Variants in CLEC16A observed in about 807,000 individuals in gnomAD.
CLEC16A encodes C-type lectin domain containing 16A.
A neutral mutation model predicts 109.5 loss-of-function variants in CLEC16A; 51 were observed. The observed-to-expected ratio is 0.47, with a 90% CI of 0.37 to 0.59. The LOEUF (loss-of-function observed/expected upper bound fraction) is 0.59. Ranked by LOEUF, CLEC16A falls within the 20% of genes least tolerant of loss-of-function variation. CLEC16A has a pLI of 0.00. For synonymous variants in CLEC16A, 673 were observed against 564.2 expected, an observed-to-expected ratio of 1.19 and a Z score of -2.73; for missense variants, 1,339 against 1,394.0, an observed-to-expected ratio of 0.96 and a Z score of 0.63.
chr16:11,054,478 C>T (rs1241966375), intron 18 of CLEC16A, among the ~76,000 whole-genome samples: 1 of 152,218 alleles, frequency 6.6e-6, no homozygotes, highest in Non-Finnish European at 1.5e-5. Flanking sequence ...GGATAGGATG[C>T]ACAACCCGAG....
chr16:11,082,163 C>G (rs1477711972), intron 19 of CLEC16A, among the ~76,000 whole-genome samples: 3 of 152,158 alleles, frequency 2.0e-5, no homozygotes, highest in Admixed American at 6.6e-5. Flanking sequence ...TGTTAAAAAA[C>G]AAACCCAAAA....
At chr16:11,094,558 C>T (rs2050496649) in intron 19 of CLEC16A, among the ~76,000 whole-genome samples, 1 of 152,208 alleles carries the variant, frequency 6.6e-6, no homozygotes, top group Non-Finnish European at 1.5e-5. Flanking sequence ...CCCCCTACAA[C>T]TTTTTCCAGG....
rs34576806 is a variant in CLEC16A at position 11,077,964 on chromosome 16, C to CGTGTGTGTGTGT, written c.2116+16977_2116+16988dup. The stretch of plus-strand genomic sequence containing the variant: ...GAAACTCCATCTCTACAAAAAAAAA[C>CGTGTGTGTGTGT]GTGTGTGTGTGTGTGTGTGTGTGTG... On this transcript the variant is annotated intron_variant, in intron 19 of 23. Coordinates refer to ENST00000409790, the MANE Select transcript of CLEC16A (RefSeq NM_015226.3). 3.3e-4 allele frequency among the ~76,000 whole-genome samples: 45 copies of CGTGTGTGTGTGT among 135,618 alleles called. 1 individual carries two copies. The highest frequency in any genetic ancestry group is 7.4e-4 in the African/African-American group (27 of 36,466). 89.0% of individuals were successfully genotyped at this position (135,618 alleles called of 152,430 possible). A position where few individuals can be genotyped will look rare whatever the true frequency, so the allele number is the denominator to read the frequency against.
At chr16:10,979,233 C>G (rs774000559) in intron 8 of CLEC16A, 96 bp from the exon 9 acceptor site, 26 of 1,127,848 alleles carry the variant, frequency 2.3e-5, no homozygotes, top group Non-Finnish European at 2.9e-5. Flanking sequence ...GGACAGGACG[C>G]CTTTGTTCAC....
At chr16:11,132,359 CT>C (rs1421753904) in intron 22 of CLEC16A, among the ~76,000 whole-genome samples, 3 of 151,948 alleles carry the variant, frequency 2.0e-5, no homozygotes, top group Non-Finnish European at 4.4e-5. Flanking sequence ...TGCCTGGCTT[CT>C]TTCAGTTTGC....
chr16:11,093,165 C>G (rs1167950830), intron 19 of CLEC16A, among the ~76,000 whole-genome samples: 1 of 152,218 alleles, frequency 6.6e-6, no homozygotes, highest in Admixed American at 6.5e-5. Flanking sequence ...GGTGTGCACC[C>G]TCATCTCTTA....
intron 19 of CLEC16A, among the ~76,000 whole-genome samples, chr16:11,079,208 C>T (rs1254947707): frequency 6.6e-6 from 1 of 152,204 alleles, no homozygotes; most frequent in African/African-American, 2.4e-5. Flanking sequence ...ACTGAAACTC[C>T]AGCCATCCCT....
At chr16:11,114,097 G>T (rs1213765788) in intron 19 of CLEC16A, among the ~76,000 whole-genome samples, 1 of 149,630 alleles carries the variant, frequency 6.7e-6, no homozygotes, top group South Asian at 2.1e-4. Flanking sequence ...ATGGTATTTT[G>T]AGTTGTTTCC....
chr16:11,126,413 T>C (rs2052824093), intron 22 of CLEC16A: 3 of 1,420,564 alleles, frequency 2.1e-6, no homozygotes, highest in Non-Finnish European at 9.2e-7. Flanking sequence ...ACTAAGAATT[T>C]TCTTGGAAAT....
rs557030867 is a variant in CLEC16A at position 11,145,524 on chromosome 16, T to C, written c.2641+19378T>C. Among the ~76,000 whole-genome samples the C allele has an allele frequency of 2.6e-5, 4 of 152,404 alleles. No homozygotes were observed. In the South Asian group the frequency reaches 8.3e-4, roughly 32 times the overall value. On this transcript the variant is annotated intron_variant, in intron 22 of 23. Coordinates refer to ENST00000409790, the MANE Select transcript of CLEC16A (RefSeq NM_015226.3). ...CACACCTGTCTCCTGGGCAAAGGGC[T>C]GGGTAACTTCTTTAAGCAGCAGAGA...
intron 13 of CLEC16A, among the ~76,000 whole-genome samples, chr16:11,029,336 A>T (rs1315081265): frequency 6.6e-6 from 1 of 152,132 alleles, no homozygotes; most frequent in Admixed American, 6.5e-5. Context: ...CTTCATGTGC[A>T]TGCACAGACC....
At chr16:11,117,049 T>C (rs1427158978) in intron 19 of CLEC16A, among the ~76,000 whole-genome samples, 2 of 152,198 alleles carry the variant, frequency 1.3e-5, no homozygotes, top group Non-Finnish European at 2.9e-5. Flanking sequence ...TGGATGCAGC[T>C]GGCAGCCTAA....
intron 19 of CLEC16A, among the ~76,000 whole-genome samples, chr16:11,100,243 G>A (rs909334629): frequency 1.3e-5 from 2 of 152,122 alleles, no homozygotes; most frequent in Admixed American, 1.3e-4. Context: ...TGGAGCCTGG[G>A]CTTTCTCACC....
intron 22 of CLEC16A, among the ~76,000 whole-genome samples, chr16:11,138,491 C>G (rs1275129329): frequency 6.6e-6 from 1 of 152,184 alleles, no homozygotes; most frequent in Non-Finnish European, 1.5e-5. Context: ...TTTTAACTGA[C>G]TGGAGTTGGG....
At chr16:10,985,075 C>T (rs1056865291) in intron 10 of CLEC16A, among the ~76,000 whole-genome samples, 73 of 151,778 alleles carry the variant, frequency 4.8e-4, no homozygotes, top group African/African-American at 1.6e-3. Context: ...TGGTGGCAGG[C>T]GCCTGCAGTC....
chr16:11,127,214 G>A lies in CLEC16A; in HGVS notation c.2641+1068G>A, dbSNP rs375394776. 2.0e-5 allele frequency among the ~76,000 whole-genome samples: 3 copies of A among 152,138 alleles called. No individual in the cohort carries two copies. The East Asian group carries it at 5.8e-4, about 29-fold the overall frequency. On this transcript the variant is annotated intron_variant, in intron 22 of 23. Coordinates refer to ENST00000409790, the MANE Select transcript of CLEC16A (RefSeq NM_015226.3). ...ACATGGGGTATACCGTATGTCTGAT[G>A]CTGCACCTTGCTACTTCTTCCTTAA...
intron 14 of CLEC16A, chr16:11,041,444 G>A (rs955445812): frequency 6.6e-6 from 1 of 152,184 alleles, no homozygotes; most frequent in Non-Finnish European, 1.5e-5. Context: ...GGATCCAGGG[G>A]CTCAAACAGT....
chr16:11,156,093 G>A (rs1482161603), intron 22 of CLEC16A, among the ~76,000 whole-genome samples: 1 of 152,172 alleles, frequency 6.6e-6, no homozygotes, highest in Non-Finnish European at 1.5e-5. Context: ...CGGGCATGGT[G>A]GCTCATGCCT....
chr16:11,030,793 C>T (rs1318269791), intron 13 of CLEC16A, among the ~76,000 whole-genome samples: 6 of 152,120 alleles, frequency 3.9e-5, no homozygotes, highest in South Asian at 2.1e-4. Context: ...TACAGGTGTG[C>T]GCCACCACGC....
Sources: allele counts gnomAD v4.1 joint callset (sites outside exome capture counted in the v4.1 genomes callset), GRCh38; gene constraint gnomAD v4.1.1; transcripts MANE v1.5; gene names NCBI Gene and HGNC (gene_info 2026-07-23, HGNC 2026-07-21).